Variants in ZMYM2 observed in about 807,000 individuals in gnomAD.
ZMYM2 encodes the protein zinc finger MYM-type protein 2.
In ZMYM2, 56 loss-of-function variants were observed where a neutral mutation model predicts 162.8. The ratio of observed to expected loss-of-function variants is 0.34; its 90% CI spans 0.28 to 0.43. ZMYM2 has a LOEUF of 0.43. Ranked by LOEUF, ZMYM2 falls within the 20% of genes least tolerant of loss-of-function variation. The probability of loss-of-function intolerance (pLI) is 1.00; values close to 1 mark genes in which losing one functional copy is unlikely to be tolerated. For missense variants in ZMYM2, 1,275 were observed against 1,621.8 expected (o/e 0.79, Z 3.67); for synonymous variants, 510 against 541.6 (o/e 0.94, Z 0.81).
intron 12 of ZMYM2, among the ~76,000 whole-genome samples, chr13:20,043,526 G>T (rs1277986348): frequency 6.6e-6 from 1 of 152,006 alleles, no homozygotes; most frequent in Non-Finnish European, 1.5e-5. Context: ...GTGGCAGGGC[G>T]CTGGCAGGTG....
chr13:20,057,812 C>G (rs192278300), intron 14 of ZMYM2, among the ~76,000 whole-genome samples: 154 of 152,264 alleles, frequency 1.0e-3, no homozygotes, highest in African/African-American at 3.3e-3. Context: ...AGCAGTGGTT[C>G]AGTAGTCATT....
At chr13:19,923,234 G>A in the ZMYM2 span, among the ~76,000 whole-genome samples, 1 of 148,850 alleles carries the variant, frequency 6.7e-6, no homozygotes, top group East Asian at 2.0e-4. Context: ...GCGGGCGCCT[G>A]TAGTCCCAGC....
chr13:19,887,699 TGAA>T, the ZMYM2 span, among the ~76,000 whole-genome samples: 3 of 151,946 alleles, frequency 2.0e-5, no homozygotes, highest in Non-Finnish European at 4.4e-5. Context: ...GTTATTGAAA[TGAA>T]GAGATTATTT....
chr13:19,892,332 C>T, the ZMYM2 span, among the ~76,000 whole-genome samples: 4 of 151,654 alleles, frequency 2.6e-5, no homozygotes, highest in South Asian at 6.2e-4. Context: ...AGTGCAGTGG[C>T]GCAATCTCGG....
Position 20,087,222 on chromosome 13 carries a change from A to T in ZMYM2, c.*1208A>T, listed in dbSNP as rs1958325552. Reference sequence around the variant, plus strand: ...GTCAGTCTCAGAGGAAATCCCATTTAATGTTAGATTGTTTGGCTTTTGAAA... The same window carrying T: ...GTCAGTCTCAGAGGAAATCCCATTTTATGTTAGATTGTTTGGCTTTTGAAA... On this transcript the variant is annotated 3_prime_UTR_variant, in exon 25 of 25. Transcript: ENST00000610343. 1 of 190,020 alleles carries T rather than the reference A, an allele frequency of 5.3e-6. No individual in the cohort carries two copies. The highest frequency in any genetic ancestry group is 1.9e-4 in the South Asian group (1 of 5,154). The allele number at this position is 190,020 out of a possible 1,614,324, so 11.8% of individuals were successfully genotyped here.
At chr13:20,025,696 A>T (rs1205153511) in intron 7 of ZMYM2, 3 of 152,336 alleles carry the variant, frequency 2.0e-5, no homozygotes, top group African/African-American at 7.2e-5. Flanking sequence ...TAATGACAAG[A>T]ATACGTTCTG....
intron 3 of ZMYM2, among the ~76,000 whole-genome samples, chr13:19,996,037 GTCTC>G (rs975796153): frequency 4.0e-5 from 6 of 148,294 alleles, no homozygotes; most frequent in Middle Eastern, 6.9e-3. Flanking sequence ...GTCTGTGGAT[GTCTC>G]TCTCTCTCTT....
chr13:20,062,585 A>G (rs1358666973), intron 17 of ZMYM2, among the ~76,000 whole-genome samples: 1 of 152,232 alleles, frequency 6.6e-6, no homozygotes, highest in East Asian at 1.9e-4. Context: ...CTATCAAAGC[A>G]TACCTATTAG....
intron 7 of ZMYM2, among the ~76,000 whole-genome samples, chr13:20,020,321 G>A (rs1198001587): frequency 1.4e-5 from 2 of 146,306 alleles, no homozygotes; most frequent in African/African-American, 5.0e-5. Flanking sequence ...CGCAACCTCC[G>A]CCCCCTGGGT....
Position 20,020,779 on chromosome 13 carries a change from A to C in ZMYM2, c.1584+1161A>C, listed in dbSNP as rs376924636. ...GAAAGTTTCTATTGCTGTATCTTTA[A>C]GTTTGCTGATCTTTTAAAATCACCT... On this transcript the variant is annotated intron_variant, in intron 7 of 24. Transcript: ENST00000610343. Among the ~76,000 whole-genome samples, 330 of 151,918 alleles carry C rather than the reference A, an allele frequency of 2.2e-3. 12 individuals carry two copies. The South Asian group carries it at 0.055, about 25-fold the overall frequency.
At position 20,087,871 on chromosome 13, in the gene ZMYM2, C is replaced by G. The variant is rs1325414752; in HGVS notation, c.*1857C>G. On this transcript the variant is annotated 3_prime_UTR_variant, in exon 25 of 25. Transcript: ENST00000610343. The stretch of plus-strand genomic sequence containing the variant: ...AAAATTTTCTCTAACTTACCTTTTT[C>G]CAGAACTACTTCTTTAAGCACTTTT... The G allele has an allele frequency of 3.7e-5, 7 of 188,150 alleles. No homozygotes were observed. The highest frequency in any genetic ancestry group is 1.6e-4 in the African/African-American group (7 of 42,850). 11.7% of individuals were successfully genotyped at this position (188,150 alleles called of 1,614,324 possible).
chr13:20,019,091 A>AAC (rs1566309867), intron 6 of ZMYM2, among the ~76,000 whole-genome samples: 5 of 12,196 alleles, frequency 4.1e-4, no homozygotes, highest in Admixed American at 1.8e-3. Context: ...AAAAAAAAAA[A>AAC]AACAACAACA....
chr13:19,918,877 A>G, the ZMYM2 span, among the ~76,000 whole-genome samples: 2 of 152,134 alleles, frequency 1.3e-5, no homozygotes, highest in Non-Finnish European at 2.9e-5. Context: ...GAAAATTGGT[A>G]TCGGTACATT....
chr13:19,993,254 T>C lies in ZMYM2; in HGVS notation c.182T>C (p.Val61Ala). ...TCAGTGGAAGATGATGATGATGTTGTTTTTATCGAACCTGTACAACCTCCC... is the reference window on the plus strand; with the variant it reads ...TCAGTGGAAGATGATGATGATGTTGCTTTTATCGAACCTGTACAACCTCCC... Reference protein sequence around the residue: ...NSSVEDDDDVVFIEPVQPPPP... With the variant: ...NSSVEDDDDVAFIEPVQPPPP... The change falls in exon 3 of 25, where the codon GTT becomes GCT. Residue 61 changes from valine (V) to alanine (A), a missense_variant. This residue lies in a region of ZMYM2 where 295 missense variants were observed against 286.7 expected (regional missense o/e 1.03). Coordinates refer to ENST00000610343, the MANE Select transcript of ZMYM2 (RefSeq NM_197968.4). 6.2e-7 allele frequency: 1 copy of C among 1,613,980 alleles called. No homozygotes were observed. The highest frequency in any genetic ancestry group is 8.5e-7 in the Non-Finnish European group (1 of 1,179,880).
chr13:19,966,116 T>G (rs1394511756), intron 2 of ZMYM2, among the ~76,000 whole-genome samples: 4 of 145,168 alleles, frequency 2.8e-5, no homozygotes, highest in Non-Finnish European at 6.0e-5. Flanking sequence ...ATTTGCTTGT[T>G]TTTTTTTTTG....
intron 21 of ZMYM2, among the ~76,000 whole-genome samples, chr13:20,078,482 C>T (rs1421390480): frequency 6.6e-6 from 1 of 152,182 alleles, no homozygotes; most frequent in Non-Finnish European, 1.5e-5. Flanking sequence ...AGTGACAATA[C>T]TTGTCTGAAC....
the ZMYM2 span, among the ~76,000 whole-genome samples, chr13:19,910,179 A>T: frequency 6.6e-6 from 1 of 151,954 alleles, no homozygotes; most frequent in East Asian, 1.9e-4. Flanking sequence ...GTGAGCCGAG[A>T]TTGCGCCACT....
chr13:20,020,435 C>A (rs1951982195), intron 7 of ZMYM2, among the ~76,000 whole-genome samples: 1 of 152,050 alleles, frequency 6.6e-6, no homozygotes, highest in Non-Finnish European at 1.5e-5. Flanking sequence ...AGGGTTTCTC[C>A]ATGTCGGTCA....
the ZMYM2 span, among the ~76,000 whole-genome samples, chr13:19,890,887 T>A: frequency 2.7e-5 from 4 of 149,622 alleles, no homozygotes; most frequent in Admixed American, 2.0e-4. Flanking sequence ...AAAAAAAAAA[T>A]TCAGCTACAG....
Sources: allele counts gnomAD v4.1 joint callset (sites outside exome capture counted in the v4.1 genomes callset), GRCh38; gene constraint gnomAD v4.1.1; regional missense constraint gnomAD v4.1.1; transcripts MANE v1.5; gene names NCBI Gene and HGNC (gene_info 2026-07-23, HGNC 2026-07-21).